The following COL4A1 variants were observed in gnomAD, a reference collection of about 807,000 sequenced individuals.
COL4A1 encodes the protein collagen alpha-1(IV) chain.
COL4A1 carries 40 observed loss-of-function variants against 216.6 expected under a neutral mutation model. That is an observed-to-expected ratio of 0.18 (90% confidence interval 0.14 to 0.24). The LOEUF is 0.24. COL4A1 is among the 10% of genes least tolerant of loss of function. COL4A1 has a pLI of 1.00. For missense variants in COL4A1, 1,628 were observed against 2,196.8 expected (o/e 0.74, Z 5.18); for synonymous variants, 839 against 810.7 (o/e 1.03, Z -0.59).
At chr13:110,201,825 T>C in intron 18 of COL4A1, 1 of 495,386 alleles carries the variant, frequency 2.0e-6, no homozygotes, top group Non-Finnish European at 3.9e-6. Context: ...CTACTAAAAA[T>C]ACAAAAATTA....
intron 22 of COL4A1, among the ~76,000 whole-genome samples, chr13:110,193,622 C>CG (rs1566363679): frequency 6.6e-6 from 1 of 152,242 alleles, no homozygotes; most frequent in East Asian, 1.9e-4. Context: ...CCAGGGACAT[C>CG]GAGGCGGCGT....
chr13:110,253,582 T>G, intron 1 of COL4A1, among the ~76,000 whole-genome samples: 1 of 143,864 alleles, frequency 7.0e-6, no homozygotes. Flanking sequence ...ATGTATTACA[T>G]ATGCATATAA....
intron 2 of COL4A1, among the ~76,000 whole-genome samples, chr13:110,233,901 A>G (rs903668597): frequency 2.0e-5 from 3 of 152,170 alleles, no homozygotes; most frequent in Non-Finnish European, 4.4e-5. Context: ...GAACAGGTCC[A>G]TTTCTCTGGG....
At chr13:110,168,593 T>A (rs974225435) in intron 43 of COL4A1, among the ~76,000 whole-genome samples, 1 of 152,264 alleles carries the variant, frequency 6.6e-6, no homozygotes, top group Non-Finnish European at 1.5e-5. Flanking sequence ...CACCACGTAT[T>A]GTTTTGCACC....
At chr13:110,275,561 G>A (rs915722704) in intron 1 of COL4A1, among the ~76,000 whole-genome samples, 3 of 152,158 alleles carry the variant, frequency 2.0e-5, no homozygotes, top group African/African-American at 7.2e-5. Context: ...TTACCCAAAT[G>A]AGCTGAAAAC....
chr13:110,169,923 A>T (rs1174242571), intron 42 of COL4A1, among the ~76,000 whole-genome samples, 161 bp from the exon 43 acceptor site: 1 of 76,514 alleles, frequency 1.3e-5, no homozygotes, highest in Non-Finnish European at 3.3e-5. Context: ...CCAGGAAGGA[A>T]GGAAGGAGGG....
intron 1 of COL4A1, among the ~76,000 whole-genome samples, chr13:110,290,987 A>C (rs192549689): frequency 6.6e-6 from 1 of 152,184 alleles, no homozygotes; most frequent in Non-Finnish European, 1.5e-5. Flanking sequence ...GCCTCTTTGC[A>C]CTTGGACCAG....
At chr13:110,228,157 A>G (rs1292128781) in intron 2 of COL4A1, among the ~76,000 whole-genome samples, 1 of 149,412 alleles carries the variant, frequency 6.7e-6, no homozygotes, top group Non-Finnish European at 1.5e-5. Context: ...GTGCTTCTGC[A>G]GTAAAATCAC....
chr13:110,164,744 A>T (rs970167111), intron 46 of COL4A1, 118 bp downstream of exon 46: 29 of 1,418,604 alleles, frequency 2.0e-5, no homozygotes, highest in Non-Finnish European at 2.7e-5. Context: ...ACTCATATTC[A>T]TATGTGTGTG....
chr13:110,235,969 ATAAAG>A (rs1881300019), intron 2 of COL4A1, among the ~76,000 whole-genome samples: 1 of 152,216 alleles, frequency 6.6e-6, no homozygotes, highest in Non-Finnish European at 1.5e-5. Context: ...AAAAATACAA[ATAAAG>A]TACAGTCCCT....
intron 36 of COL4A1, 32 bp downstream of exon 36, chr13:110,176,392 T>C: frequency 5.5e-6 from 8 of 1,445,614 alleles, no homozygotes; most frequent in African/African-American, 1.4e-5. Flanking sequence ...CACGCACACA[T>C]GCTAAAGAAT....
At chr13:110,274,889 G>A (rs1358043844) in intron 1 of COL4A1, among the ~76,000 whole-genome samples, 1 of 152,184 alleles carries the variant, frequency 6.6e-6, no homozygotes, top group Non-Finnish European at 1.5e-5. Flanking sequence ...GCAGCACTGA[G>A]GGACTTTCTA....
chr13:110,208,664 T>C lies in COL4A1; in HGVS notation c.693+185A>G, dbSNP rs73611475. On this transcript the variant is annotated intron_variant, in intron 12 of 51. Transcript: ENST00000375820. ...AGCACTTCCATAAATTCTAGCGTACTGAATAAGCTAGAATAAATTCAATAA... is the reference window on the plus strand; with the variant it reads ...AGCACTTCCATAAATTCTAGCGTACCGAATAAGCTAGAATAAATTCAATAA... Among the ~76,000 whole-genome samples the C allele has an allele frequency of 0.019, 2,847 of 152,296 alleles. 80 individuals carry two copies. Among genetic ancestry groups the C allele is most frequent in the African/African-American group, 0.066 (2,755 of 41,542 alleles).
intron 1 of COL4A1, among the ~76,000 whole-genome samples, chr13:110,270,196 T>C (rs1883195879): frequency 6.6e-6 from 1 of 152,222 alleles, no homozygotes. Flanking sequence ...GGAAAGTTCA[T>C]CTACCTGAAA....
intron 4 of COL4A1, among the ~76,000 whole-genome samples, chr13:110,213,215 C>T (rs969876238): frequency 1.3e-5 from 2 of 151,484 alleles, no homozygotes; most frequent in African/African-American, 2.4e-5. Flanking sequence ...GAAATCACCA[C>T]GAAAGAACTT....
At chr13:110,173,778 G>T in intron 40 of COL4A1, 122 bp downstream of exon 40, 2 of 1,074,336 alleles carry the variant, frequency 1.9e-6, no homozygotes, top group East Asian at 2.5e-5. Context: ...TTAAGTAGTT[G>T]CAGGGATGTG....
At chr13:110,219,842 A>ATGTATATATATG (rs1880346718) in intron 2 of COL4A1, among the ~76,000 whole-genome samples, 2 of 54,828 alleles carry the variant, frequency 3.6e-5, no homozygotes, top group African/African-American at 1.2e-4. Flanking sequence ...GTATGTATAT[A>ATGTATATATATG]TGTGTATATA....
At chr13:110,294,623 T>C (rs1884199369) in intron 1 of COL4A1, among the ~76,000 whole-genome samples, 3 of 152,248 alleles carry the variant, frequency 2.0e-5, no homozygotes, top group African/African-American at 7.2e-5. Flanking sequence ...AATGTACTTC[T>C]GAGACACAAA....
In COL4A1 at chr13:110,231,841, T is replaced by C. The variant is rs1881080460; in HGVS notation, c.144+10834A>G. 2.0e-5 allele frequency among the ~76,000 whole-genome samples: 3 copies of C among 152,210 alleles called. No homozygotes were observed. In the South Asian group the frequency reaches 6.2e-4, roughly 32 times the overall value. On this transcript the variant is annotated intron_variant, in intron 2 of 51. Coordinates refer to ENST00000375820, the MANE Select transcript of COL4A1 (RefSeq NM_001845.6). ...TGCCACAGACTTGGGTACTCAAGTCTTAGGGTTGTGGATTTCTCACCTAGG... is the reference window on the plus strand; with the variant it reads ...TGCCACAGACTTGGGTACTCAAGTCCTAGGGTTGTGGATTTCTCACCTAGG...
Sources: allele counts gnomAD v4.1 joint callset (sites outside exome capture counted in the v4.1 genomes callset), GRCh38; gene constraint gnomAD v4.1.1; transcripts MANE v1.5; gene names NCBI Gene and HGNC (gene_info 2026-07-23, HGNC 2026-07-21).